Variants in HYDIN observed in about 807,000 individuals in gnomAD.
HYDIN encodes HYDIN axonemal central pair apparatus protein, also known as axonemal central pair apparatus protein HYDIN.
HYDIN carries 132 observed loss-of-function variants against 403.9 expected under a neutral mutation model. The ratio of observed to expected loss-of-function variants is 0.33; its 90% CI spans 0.28 to 0.38. The LOEUF is 0.38. Among genes scored for constraint, HYDIN ranks in the 10% least tolerant of loss-of-function variants. The pLI, the probability that HYDIN is intolerant of heterozygous loss-of-function variation, is 1.00. For synonymous variants in HYDIN, 1,202 were observed against 1,891.7 expected, an observed-to-expected ratio of 0.64 and a Z score of 9.46; for missense variants, 2,827 against 5,009.5, an observed-to-expected ratio of 0.56 and a Z score of 13.15.
intron 23 of HYDIN, among the ~76,000 whole-genome samples, chr16:70,994,123 G>C (rs568985373): frequency 6.6e-6 from 1 of 152,262 alleles, no homozygotes; most frequent in African/African-American, 2.4e-5. Flanking sequence ...GAAAACACTG[G>C]GCTGGCATGA....
chr16:71,137,777 T>C (rs2084989590), intron 7 of HYDIN, among the ~76,000 whole-genome samples: 1 of 152,102 alleles, frequency 6.6e-6, no homozygotes, highest in Admixed American at 6.5e-5. Context: ...AGCTGCTCAA[T>C]ATGAGAGAAT....
intron 1 of HYDIN, among the ~76,000 whole-genome samples, chr16:71,205,812 C>T (rs2144718508): frequency 6.6e-6 from 1 of 152,340 alleles, no homozygotes; most frequent in Non-Finnish European, 1.5e-5. Context: ...CCTACCCACC[C>T]CTGCCACTGG....
Position 70,959,805 on chromosome 16 carries a change from C to A in HYDIN, c.5984G>T (p.Ser1995Ile), listed in dbSNP as rs1456229909. Residue 1995 changes from serine (S) to isoleucine (I), a missense_variant, in exon 39 of 86, where the codon AGC becomes ATC. Ser to Ile is a moderately radical substitution (Grantham distance 142, BLOSUM62 -2). Transcript: ENST00000393567. ...TTCCTCCATGGAGTGGCTGTCAATG[C>A]TCTGAAGCTTGTCAGCTGCAAATTT... ...KIIFQTDKLQ[S>I]IDSHSMEEVG... 1 of 849,946 alleles carries A rather than the reference C, an allele frequency of 1.2e-6. No individual in the cohort carries two copies. Among genetic ancestry groups the A allele is most frequent in the Non-Finnish European group, 1.8e-6 (1 of 563,442 alleles). 52.7% of individuals were successfully genotyped at this position (849,946 alleles called of 1,614,324 possible).
chr16:71,108,644 C>T (rs529044281), intron 10 of HYDIN, among the ~76,000 whole-genome samples: 3 of 151,612 alleles, frequency 2.0e-5, no homozygotes, highest in Non-Finnish European at 4.4e-5. Context: ...GTGATCTGAT[C>T]GCTGTATATT....
intron 7 of HYDIN, among the ~76,000 whole-genome samples, chr16:71,150,791 A>C (rs2085507586): frequency 6.6e-6 from 1 of 152,220 alleles, no homozygotes; most frequent in South Asian, 2.1e-4. Flanking sequence ...CTTGGAGAAA[A>C]TATTAATAAT....
At chr16:71,170,345 T>A (rs937876343) in intron 5 of HYDIN, among the ~76,000 whole-genome samples, 2 of 152,184 alleles carry the variant, frequency 1.3e-5, no homozygotes, top group Non-Finnish European at 2.9e-5. Context: ...ATTGGATCAT[T>A]ACAAAAACAA....
intron 10 of HYDIN, among the ~76,000 whole-genome samples, chr16:71,102,879 T>G: frequency 7.3e-6 from 1 of 137,738 alleles, no homozygotes; most frequent in Admixed American, 7.5e-5. Context: ...TGTTTACAGC[T>G]GTGCAGAAAG....
At chr16:71,178,474 C>T in intron 4 of HYDIN, among the ~76,000 whole-genome samples, 1 of 145,994 alleles carries the variant, frequency 6.8e-6, no homozygotes. Flanking sequence ...TACACACACA[C>T]ATACATATAT....
chr16:71,000,953 A>G (rs2079687972), intron 23 of HYDIN, among the ~76,000 whole-genome samples: 1 of 151,838 alleles, frequency 6.6e-6, no homozygotes, highest in African/African-American at 2.4e-5. Context: ...TTCTCAAACT[A>G]TGTATCTATG....
chr16:71,083,814 A>G (rs2082855567), intron 12 of HYDIN, among the ~76,000 whole-genome samples: 1 of 145,128 alleles, frequency 6.9e-6, no homozygotes, highest in African/African-American at 2.5e-5. Flanking sequence ...TCGATGCTGC[A>G]TATGCTACCC....
chr16:70,917,146 A>G (rs2076865277), intron 47 of HYDIN, among the ~76,000 whole-genome samples: 1 of 152,158 alleles, frequency 6.6e-6, no homozygotes, highest in Non-Finnish European at 1.5e-5. Flanking sequence ...GGTCTCAAAC[A>G]TCTGGGCTCA....
intron 84 of HYDIN, among the ~76,000 whole-genome samples, chr16:70,810,698 T>C (rs1289366767): frequency 6.6e-6 from 1 of 151,836 alleles, no homozygotes; most frequent in East Asian, 1.9e-4. Context: ...GGCGCAGTGG[T>C]GCGCACCTGT....
chr16:70,818,428 G>C lies in HYDIN; in HGVS notation c.14572C>G (p.Leu4858Val). The change falls in exon 84 of 86, where the codon CTG becomes GTG. Residue 4858 changes from leucine to valine, a missense_variant. Transcript: ENST00000393567. ...ASASIKLENP[L>V]PYSVTFSTEC... The stretch of plus-strand genomic sequence containing the variant: ...GTGGAGAAGGTCACCGAGTAGGGCA[G>C]AGGGTTCTCCAACTTGATGGAGGCT... 1 of 1,612,564 alleles carries C rather than the reference G, an allele frequency of 6.2e-7. No homozygotes were observed. The highest frequency in any genetic ancestry group is 8.5e-7 in the Non-Finnish European group (1 of 1,179,320).
intron 5 of HYDIN, among the ~76,000 whole-genome samples, chr16:71,168,912 GTAAA>G (rs1395743028): frequency 6.6e-6 from 1 of 152,226 alleles, no homozygotes; most frequent in Non-Finnish European, 1.5e-5. Context: ...TGATGGGAAT[GTAAA>G]TTAGTACAGC....
chr16:71,067,605 C>G (rs1387380355), intron 14 of HYDIN, among the ~76,000 whole-genome samples: 2 of 151,084 alleles, frequency 1.3e-5, no homozygotes, highest in African/African-American at 4.9e-5. Context: ...GCTGTTAGTA[C>G]AATGGCTTTG....
chr16:70,996,582 G>A (rs1174972950), intron 23 of HYDIN, among the ~76,000 whole-genome samples: 9 of 152,080 alleles, frequency 5.9e-5, no homozygotes, highest in African/African-American at 1.9e-4. Context: ...TGAGCCCCAT[G>A]GTGCCAGGGT....
At chr16:70,927,961 A>C (rs534374023) in intron 45 of HYDIN, among the ~76,000 whole-genome samples, 18 of 151,920 alleles carry the variant, frequency 1.2e-4, no homozygotes, top group Non-Finnish European at 2.4e-4. Context: ...AAAAAAAAAA[A>C]CAAAAAACAA....
chr16:71,220,612 G>C (rs1055085740), intron 1 of HYDIN, among the ~76,000 whole-genome samples: 1 of 152,152 alleles, frequency 6.6e-6, no homozygotes, highest in Non-Finnish European at 1.5e-5. Context: ...CATGTATACA[G>C]CGAATACATC....
chr16:71,178,594 A>G (rs1377761805), intron 4 of HYDIN, among the ~76,000 whole-genome samples: 2 of 151,816 alleles, frequency 1.3e-5, no homozygotes, highest in African/African-American at 4.8e-5. Context: ...CATAAACATT[A>G]ATAGTAATTT....
Sources: allele counts gnomAD v4.1 joint callset (sites outside exome capture counted in the v4.1 genomes callset), GRCh38; gene constraint gnomAD v4.1.1; transcripts MANE v1.5; gene names NCBI Gene and HGNC (gene_info 2026-07-23, HGNC 2026-07-21).